The following NKAIN2 variants were observed in gnomAD, a reference collection of about 807,000 sequenced individuals.
NKAIN2 encodes sodium/potassium transporting ATPase interacting 2.
A neutral mutation model predicts 32.6 loss-of-function variants in NKAIN2; 14 were observed. The observed-to-expected ratio is 0.43, with a 90% CI of 0.28 to 0.67. The LOEUF (loss-of-function observed/expected upper bound fraction) is 0.67. Ranked by LOEUF, NKAIN2 falls within the 30% of genes least tolerant of loss-of-function variation. NKAIN2 has a pLI of 0.17. For missense variants in NKAIN2, 198 were observed against 258.3 expected (o/e 0.77, Z 1.60); for synonymous variants, 80 against 87.2 (o/e 0.92, Z 0.46).
At chr6:123,948,597 ATTTTTTTTTTTTTTTTTTTT>A (rs71021472) in intron 1 of NKAIN2, among the ~76,000 whole-genome samples, 5 of 49,278 alleles carry the variant, frequency 1.0e-4, no homozygotes, top group Non-Finnish European at 2.1e-4. Flanking sequence ...CTTAAATGGG[ATTTTTTTTTTTTTTTTTTTT>A]TTTTTTTTTT....
chr6:124,710,015 A>T (rs1449611409), intron 4 of NKAIN2, among the ~76,000 whole-genome samples: 2 of 151,950 alleles, frequency 1.3e-5, no homozygotes, highest in Non-Finnish European at 2.9e-5. Context: ...TGTCCCAGAG[A>T]TTCTGGTATG....
intron 3 of NKAIN2, among the ~76,000 whole-genome samples, chr6:124,360,308 CCT>C (rs1399201649): frequency 1.4e-4 from 21 of 152,152 alleles, no homozygotes; most frequent in Admixed American, 1.2e-3. Context: ...TGGAGGATTC[CCT>C]CTTTTTCTAT....
intron 1 of NKAIN2, among the ~76,000 whole-genome samples, chr6:124,024,790 C>A (rs1582947977): frequency 6.6e-6 from 1 of 152,044 alleles, no homozygotes; most frequent in East Asian, 1.9e-4. Context: ...AGATCAAGAC[C>A]ATCCTGGCCA....
At chr6:124,383,471 CCTAA>C (rs1772737960) in intron 3 of NKAIN2, among the ~76,000 whole-genome samples, 1 of 152,106 alleles carries the variant, frequency 6.6e-6, no homozygotes, top group Non-Finnish European at 1.5e-5. Flanking sequence ...TTGACCTCTG[CCTAA>C]CTATCTCTTT....
At chr6:124,584,939 C>T (rs565402728) in intron 3 of NKAIN2, among the ~76,000 whole-genome samples, 2 of 152,288 alleles carry the variant, frequency 1.3e-5, no homozygotes, top group South Asian at 2.1e-4. Context: ...TATGATCTAG[C>T]AATCCCACTG....
chr6:124,625,884 TAACA>T (rs932312690), intron 3 of NKAIN2, among the ~76,000 whole-genome samples: 11 of 124,116 alleles, frequency 8.9e-5, no homozygotes, highest in African/African-American at 2.6e-4. Flanking sequence ...CTTTCTCCTC[TAACA>T]AACAAACATA....
chr6:124,045,298 ATC>A (rs1422542023), intron 1 of NKAIN2, among the ~76,000 whole-genome samples: 4 of 151,908 alleles, frequency 2.6e-5, no homozygotes, highest in African/African-American at 9.7e-5. Flanking sequence ...ATCTGTTATA[ATC>A]TCTTTTATGT....
chr6:124,054,875 C>G (rs1312920444), intron 1 of NKAIN2, among the ~76,000 whole-genome samples: 1 of 152,028 alleles, frequency 6.6e-6, no homozygotes, highest in African/African-American at 2.4e-5. Flanking sequence ...GATTAATCAA[C>G]ACTTCCCAAA....
intron 1 of NKAIN2, among the ~76,000 whole-genome samples, chr6:123,862,032 C>T (rs964564320): frequency 6.6e-6 from 1 of 152,108 alleles, no homozygotes; most frequent in African/African-American, 2.4e-5. Context: ...TTATTACTAC[C>T]ACTGACATTC....
intron 3 of NKAIN2, among the ~76,000 whole-genome samples, chr6:124,543,263 C>T (rs774254289): frequency 4.1e-4 from 63 of 152,204 alleles, no homozygotes; most frequent in Non-Finnish European, 6.6e-4. Flanking sequence ...TGGGAAACTC[C>T]ACATGCTGTT....
intron 1 of NKAIN2, among the ~76,000 whole-genome samples, chr6:123,888,829 T>A (rs1277986940): frequency 2.6e-5 from 4 of 152,116 alleles, no homozygotes; most frequent in Non-Finnish European, 5.9e-5. Context: ...TGTCCATACT[T>A]GAGAAAAACA....
intron 4 of NKAIN2, among the ~76,000 whole-genome samples, chr6:124,757,078 T>G (rs1487316448): frequency 7.9e-6 from 1 of 126,418 alleles, no homozygotes; most frequent in African/African-American, 2.9e-5. Context: ...TATTCATTTG[T>G]AATCTTTTCT....
At chr6:124,207,438 T>C (rs1030472197) in intron 1 of NKAIN2, among the ~76,000 whole-genome samples, 1 of 150,744 alleles carries the variant, frequency 6.6e-6, no homozygotes, top group African/African-American at 2.4e-5. Flanking sequence ...GAATAAAGTA[T>C]ATGTTTCTAA....
intron 1 of NKAIN2, among the ~76,000 whole-genome samples, chr6:124,001,416 T>A (rs1056748030): frequency 3.3e-5 from 5 of 152,032 alleles, no homozygotes; most frequent in Non-Finnish European, 7.4e-5. Flanking sequence ...AGATTTAACT[T>A]CTAATTTTCA....
chr6:124,486,504 C>T (rs1328327663), intron 3 of NKAIN2, among the ~76,000 whole-genome samples: 2 of 152,112 alleles, frequency 1.3e-5, no homozygotes, highest in South Asian at 2.1e-4. Context: ...TACCAGTTCT[C>T]TCTACTGTTT....
intron 3 of NKAIN2, among the ~76,000 whole-genome samples, chr6:124,656,118 G>A (rs908464753): frequency 2.6e-5 from 4 of 152,078 alleles, no homozygotes; most frequent in African/African-American, 7.2e-5. Context: ...ATGATTTTGA[G>A]AAAAATAACA....
intron 3 of NKAIN2, among the ~76,000 whole-genome samples, chr6:124,475,802 T>C (rs1038158886): frequency 6.6e-6 from 1 of 152,194 alleles, no homozygotes; most frequent in Non-Finnish European, 1.5e-5. Context: ...AATTTATTTC[T>C]TTCCCGAAAG....
At chr6:124,319,348 C>T (rs552797470) in intron 2 of NKAIN2, among the ~76,000 whole-genome samples, 2 of 152,114 alleles carry the variant, frequency 1.3e-5, no homozygotes, top group African/African-American at 4.8e-5. Context: ...GGTTTCATAC[C>T]TAGTTGTTCT....
chr6:123,903,477 T>C (rs1176662303), intron 1 of NKAIN2, among the ~76,000 whole-genome samples: 2 of 152,190 alleles, frequency 1.3e-5, no homozygotes, highest in Non-Finnish European at 2.9e-5. Flanking sequence ...TAGCACAGCC[T>C]TTTGTATATT....
Sources: allele counts gnomAD v4.1 joint callset (sites outside exome capture counted in the v4.1 genomes callset), GRCh38; gene constraint gnomAD v4.1.1; transcripts MANE v1.5; gene names NCBI Gene and HGNC (gene_info 2026-07-23, HGNC 2026-07-21).